Variants in BRF1 observed in about 807,000 individuals in gnomAD.
BRF1 encodes the protein transcription factor IIIB 90 kDa subunit.
Under a neutral mutation model 81.7 loss-of-function variants are expected in BRF1, and 59 were observed. The ratio of observed to expected loss-of-function variants is 0.72; its 90% CI spans 0.59 to 0.90. BRF1 has a LOEUF of 0.90. BRF1 is among the 40% of genes least tolerant of loss of function. The pLI, the probability that BRF1 is intolerant of heterozygous loss-of-function variation, is 0.00. For missense variants in BRF1, 1,050 were observed against 936.3 expected, an observed-to-expected ratio of 1.12 and a Z score of -1.58; for synonymous variants, 491 against 395.6, an observed-to-expected ratio of 1.24 and a Z score of -2.86.
At chr14:105,243,671 G>A (rs2054877884) in intron 5 of BRF1, among the ~76,000 whole-genome samples, 2 of 151,914 alleles carry the variant, frequency 1.3e-5, no homozygotes, top group African/African-American at 4.8e-5. Flanking sequence ...ATTAATTATT[G>A]AAATAGAAAA....
At chr14:105,229,280 G>C (rs1269758425) in intron 6 of BRF1, among the ~76,000 whole-genome samples, 1 of 152,244 alleles carries the variant, frequency 6.6e-6, no homozygotes, top group Non-Finnish European at 1.5e-5. Context: ...GGCAGGAAAG[G>C]GGCGAGGCCA....
intron 5 of BRF1, chr14:105,248,588 G>T: frequency 1.7e-6 from 1 of 601,760 alleles, no homozygotes; most frequent in Non-Finnish European, 2.0e-6. Flanking sequence ...CGGGCGGGCG[G>T]GACGGCGCCC....
intron 5 of BRF1, chr14:105,248,108 G>A: frequency 1.0e-6 from 1 of 985,470 alleles, no homozygotes; most frequent in Non-Finnish European, 1.2e-6. Context: ...GAAAATGCCG[G>A]GAAATAGCAG....
At chr14:105,305,685 G>A (rs184467310), upstream of BRF1, among the ~76,000 whole-genome samples, 33 of 152,318 alleles carry the variant, frequency 2.2e-4, 1 homozygote, top group South Asian at 4.1e-4. Context: ...GGGAGAATGC[G>A]GAGAACTGCC....
At chr14:105,229,199 T>A (rs972480636) in intron 6 of BRF1, among the ~76,000 whole-genome samples, 7 of 152,064 alleles carry the variant, frequency 4.6e-5, no homozygotes, top group East Asian at 1.9e-4. Context: ...ACAAACTAAC[T>A]CTAAGATGAC....
chr14:105,249,868 C>T (rs1166173050), intron 5 of BRF1: 1 of 1,612,408 alleles, frequency 6.2e-7, no homozygotes, highest in South Asian at 1.1e-5. Context: ...CCGAGATGGC[C>T]CTACGGTCCG....
At chr14:105,302,629 A>C (rs1427073451), upstream of BRF1, among the ~76,000 whole-genome samples, 2 of 152,028 alleles carry the variant, frequency 1.3e-5, no homozygotes, top group Non-Finnish European at 2.9e-5. Flanking sequence ...TCTGTCACCC[A>C]AGGTGGAGTG....
rs1432215796 is a variant in BRF1, at chr14:105,292,197, A to T, written c.185-5821T>A. On this transcript the variant is annotated intron_variant, in intron 1 of 17. Coordinates refer to ENST00000547530, the MANE Select transcript of BRF1 (RefSeq NM_001519.4). ...TTGTTTTCTTTGTTTGTTTTTTTGA[A>T]GACAAGACAGAGTTTCGCTCCTGTC... 4.6e-5 allele frequency among the ~76,000 whole-genome samples: 7 copies of T among 151,822 alleles called. No individual in the cohort carries two copies. In the East Asian group the frequency reaches 1.2e-3, roughly 25 times the overall value.
At chr14:105,302,725 A>G (rs2058077767), upstream of BRF1, among the ~76,000 whole-genome samples, 2 of 152,176 alleles carry the variant, frequency 1.3e-5, no homozygotes, top group Admixed American at 1.3e-4. Context: ...AGCTGGAACT[A>G]CAGGCATGTG....
rs377051978 is a variant in BRF1 at position 105,211,198 on chromosome 14, C to G, written c.1920G>C (p.Glu640Asp). The change falls in exon 17 of 18, where the codon GAG (glutamate) becomes GAC (aspartate). Residue 640 changes from glutamate to aspartate, a missense_variant. This residue lies in a region of BRF1 where 1,043 missense variants were observed against 915.4 expected (regional missense o/e 1.14). Transcript: ENST00000547530. ...ESGPVSYHADEEADEEEPDEE... is the reference protein window; with the variant it reads ...ESGPVSYHADDEADEEEPDEE... ...CGTCAGGCTCCTCCTCGTCAGCCTCCTCGTCGGCGTGGTATGACACGGGCC... is the reference window on the plus strand; with the variant it reads ...CGTCAGGCTCCTCCTCGTCAGCCTCGTCGTCGGCGTGGTATGACACGGGCC... 1.6e-5 allele frequency: 25 copies of G among 1,612,072 alleles called. No individual in the cohort carries two copies. In the African/African-American group the frequency reaches 2.8e-4, roughly 18 times the overall value.
Position 105,269,705 on chromosome 14 carries a change from C to T in BRF1, c.439+3016G>A, listed in dbSNP as rs943687938. 3.3e-5 allele frequency among the ~76,000 whole-genome samples: 5 copies of T among 152,154 alleles called. No homozygotes were observed. The highest frequency in any genetic ancestry group is 1.2e-4 in the African/African-American group (5 of 41,432). ...CCGGCAGTGCCACAGGACTGCTCTC[C>T]GTCCTGCCTGTCATCACCCCATGAA... On this transcript the variant is annotated intron_variant, in intron 3 of 17. Transcript: ENST00000547530. This position sits in a 1 kb window ranked among gnomAD's most constrained non-coding sequence, Gnocchi z 5.0.
intron 2 of BRF1, among the ~76,000 whole-genome samples, chr14:105,283,954 A>G (rs2057216275): frequency 6.6e-6 from 1 of 152,184 alleles, no homozygotes; most frequent in African/African-American, 2.4e-5. Flanking sequence ...AGGAACTGTA[A>G]ACGTGTGTGC....
chr14:105,298,590 C>T (rs1249776637), intron 1 of BRF1, among the ~76,000 whole-genome samples: 1 of 152,216 alleles, frequency 6.6e-6, no homozygotes, highest in African/African-American at 2.4e-5. Flanking sequence ...TGCGGTGGCT[C>T]GCGCCTGTAA....
intron 6 of BRF1, among the ~76,000 whole-genome samples, chr14:105,229,271 G>A (rs867801748): frequency 5.3e-5 from 8 of 152,238 alleles, no homozygotes; most frequent in East Asian, 1.9e-4. Flanking sequence ...GCCAGGCTGG[G>A]CAGGAAAGGG....
intron 6 of BRF1, among the ~76,000 whole-genome samples, chr14:105,229,234 G>A (rs941483793): frequency 6.6e-6 from 1 of 152,244 alleles, no homozygotes; most frequent in Non-Finnish European, 1.5e-5. Context: ...AGCTTGTGAT[G>A]GGAGCTGGGG....
rs587729506 is a variant in BRF1 at position 105,283,901 on chromosome 14, G to A, written c.265+2395C>T. The stretch of plus-strand genomic sequence containing the variant: ...TGGGCCCCAACCCAGGCAGCCTGAG[G>A]TCAGGAGGGCCCCTGGGCAGCGCAG... On this transcript the variant is annotated intron_variant, in intron 2 of 17. Coordinates refer to ENST00000547530, the MANE Select transcript of BRF1 (RefSeq NM_001519.4). Among the ~76,000 whole-genome samples the A allele has an allele frequency of 1.3e-4, 20 of 152,334 alleles. 1 individual carries two copies. The highest frequency in any genetic ancestry group is 1.2e-3 in the Admixed American group (19 of 15,300).
At chr14:105,248,073 ACCTCTCTGTGCCTATTT>A in intron 5 of BRF1, 3 of 985,306 alleles carry the variant, frequency 3.0e-6, no homozygotes, top group Non-Finnish European at 3.6e-6. Context: ...CGCGCGACTA[ACCTCTCTGTGCCTATTT>A]CCTCGAGGAA....
intron 5 of BRF1, chr14:105,248,524 G>A (rs1193571006): frequency 2.1e-6 from 2 of 971,202 alleles, no homozygotes; most frequent in Non-Finnish European, 2.4e-6. Context: ...CGCGGGGCGC[G>A]GCCCTGACGC....
Position 105,209,415 on chromosome 14 carries a change from C to G in BRF1, c.*1136G>C. ...GGGGGTAGGGGGGTCTGGCCTGCTG[C>G]GGGCCAAGTTGGGGCAGGACATACA... On this transcript the variant is annotated 3_prime_UTR_variant, in exon 18 of 18. Coordinates refer to ENST00000547530, the MANE Select transcript of BRF1 (RefSeq NM_001519.4). The G allele has an allele frequency of 1.5e-6, 1 of 669,464 alleles. No individual in the cohort carries two copies. Among genetic ancestry groups the G allele is most frequent in the Non-Finnish European group, 2.7e-6 (1 of 365,950 alleles). The allele number at this position is 669,464 out of a possible 1,614,324, so 41.5% of individuals were successfully genotyped here. A position where few individuals can be genotyped will look rare whatever the true frequency, so the allele number is the denominator to read the frequency against.
Sources: allele counts gnomAD v4.1 joint callset (sites outside exome capture counted in the v4.1 genomes callset), GRCh38; gene constraint gnomAD v4.1.1; regional missense constraint gnomAD v4.1.1; non-coding constraint Gnocchi (gnomAD v3.1); transcripts MANE v1.5; gene names NCBI Gene and HGNC (gene_info 2026-07-23, HGNC 2026-07-21).